Variants in SLC16A2 observed in about 807,000 individuals in gnomAD.
The protein encoded by SLC16A2 is solute carrier family 16 member 2, also known as monocarboxylate transporter 8.
A neutral mutation model predicts 27.2 loss-of-function variants in SLC16A2; 3 were observed. The observed-to-expected ratio is 0.11, with a 90% CI of 0.05 to 0.28. The LOEUF (loss-of-function observed/expected upper bound fraction) is 0.28, where lower values mean the gene tolerates loss of function less well. Among genes scored for constraint, SLC16A2 ranks in the 10% least tolerant of loss-of-function variants. The pLI, the probability that SLC16A2 is intolerant of heterozygous loss-of-function variation, is 1.00. For missense variants in SLC16A2, 295 were observed against 458.5 expected, an observed-to-expected ratio of 0.64 and a Z score of 3.26; for synonymous variants, 202 against 187.8, an observed-to-expected ratio of 1.08 and a Z score of -0.62.
intron 1 of SLC16A2, among the ~76,000 whole-genome samples, chrX:74,469,399 C>T (rs1413942269): frequency 9.0e-6 from 1 of 111,545 alleles, no homozygotes; most frequent in African/African-American, 3.3e-5. Context: ...TAAGGAACTG[C>T]CAAAATGTTT....
chrX:74,504,078 A>G (rs1381324570), intron 1 of SLC16A2, among the ~76,000 whole-genome samples: 1 of 112,497 alleles, frequency 8.9e-6, no homozygotes, highest in Non-Finnish European at 1.9e-5. Flanking sequence ...GAAAAGAAAT[A>G]TGTGAGGAAG....
intron 1 of SLC16A2, among the ~76,000 whole-genome samples, chrX:74,518,606 A>AAAAAG (rs1257764933): frequency 1.8e-5 from 2 of 110,938 alleles, no homozygotes; most frequent in Non-Finnish European, 3.8e-5. Flanking sequence ...AAAAAAAAAG[A>AAAAAG]AAAAGAAAAG....
chrX:74,527,910 G>T (rs1602142994), intron 4 of SLC16A2, among the ~76,000 whole-genome samples: 1 of 111,937 alleles, frequency 8.9e-6, no homozygotes, highest in Non-Finnish European at 1.9e-5. Flanking sequence ...TAGAGGAGAA[G>T]CTCAGGTACC....
At chrX:74,482,952 G>A (rs913236662) in intron 1 of SLC16A2, among the ~76,000 whole-genome samples, 5 of 111,929 alleles carry the variant, frequency 4.5e-5, no homozygotes, top group Admixed American at 1.9e-4. Context: ...TGATCCTCTT[G>A]CTTTGGCCTC....
chrX:74,425,751 T>C, intron 1 of SLC16A2, among the ~76,000 whole-genome samples: 1 of 112,037 alleles, frequency 8.9e-6, no homozygotes, highest in East Asian at 2.8e-4. Context: ...TTGCTAACAT[T>C]GGCTCTATGC....
chrX:74,519,247 G>A (rs1265562570), intron 1 of SLC16A2, among the ~76,000 whole-genome samples: 1 of 106,942 alleles, frequency 9.4e-6, no homozygotes, highest in Non-Finnish European at 1.9e-5. Flanking sequence ...GTGAGATCTC[G>A]GCTCACTGCA....
At chrX:74,519,381 G>GT (rs1240738623) in intron 1 of SLC16A2, among the ~76,000 whole-genome samples, 1 of 105,331 alleles carries the variant, frequency 9.5e-6, no homozygotes, top group Non-Finnish European at 2.0e-5. Context: ...GTTTCACTGT[G>GT]TTAGCCAGGA....
intron 1 of SLC16A2, among the ~76,000 whole-genome samples, chrX:74,455,655 G>C (rs1053111073): frequency 1.1e-4 from 12 of 110,800 alleles, no homozygotes; most frequent in African/African-American, 3.6e-4. Flanking sequence ...CCGGTATAGA[G>C]GGCATGGTCA....
chrX:74,481,231 G>A (rs1272011111), intron 1 of SLC16A2, among the ~76,000 whole-genome samples: 5 of 112,225 alleles, frequency 4.5e-5, no homozygotes, highest in African/African-American at 3.2e-5. Flanking sequence ...TTCACAGAAT[G>A]AGTTGGGAAA....
chrX:74,519,729 AAC>A lies in SLC16A2; in HGVS notation c.431-1259_431-1258del, dbSNP rs1278579560. ...AGACTGTGTCTCAAAAAAAAAAAAA[AAC>A]AAAAAAAAAACGAAAGAAAGAAAAA... On this transcript the variant is annotated intron_variant, in intron 1 of 5. Transcript: ENST00000587091. 2.2e-4 allele frequency among the ~76,000 whole-genome samples: 15 copies of A among 69,482 alleles called. 2 individuals are homozygous for A. The highest frequency in any genetic ancestry group is 4.1e-4 in the Non-Finnish European group (11 of 27,111). The allele number at this position is 69,482 out of a possible 115,157, so 60.3% of individuals were successfully genotyped here.
chrX:74,422,337 CT>C, intron 1 of SLC16A2, among the ~76,000 whole-genome samples: 1 of 111,254 alleles, frequency 9.0e-6, no homozygotes, highest in African/African-American at 3.3e-5. Flanking sequence ...AAGCAATGGA[CT>C]TTTTTTTGCC....
chrX:74,481,494 C>G (rs1191961226), intron 1 of SLC16A2, among the ~76,000 whole-genome samples: 1 of 111,047 alleles, frequency 9.0e-6, no homozygotes, highest in Non-Finnish European at 1.9e-5. Flanking sequence ...TAATAGCATA[C>G]AACTGTTCAT....
intron 1 of SLC16A2, among the ~76,000 whole-genome samples, chrX:74,441,760 C>T (rs991475261): frequency 9.0e-6 from 1 of 111,349 alleles, no homozygotes; most frequent in African/African-American, 3.3e-5. Context: ...GAGGCCTTCA[C>T]AGGATGTAGG....
At chrX:74,431,497 G>A (rs992389858) in intron 1 of SLC16A2, among the ~76,000 whole-genome samples, 4 of 111,678 alleles carry the variant, frequency 3.6e-5, no homozygotes, top group African/African-American at 9.8e-5. Context: ...GGGGATGACA[G>A]TTTACAAACT....
At chrX:74,468,565 T>G (rs1393025976) in intron 1 of SLC16A2, among the ~76,000 whole-genome samples, 1 of 112,309 alleles carries the variant, frequency 8.9e-6, no homozygotes, top group Non-Finnish European at 1.9e-5. Context: ...TTATGAGTAA[T>G]GCTGCTATGA....
At chrX:74,493,471 C>G (rs763338149) in intron 1 of SLC16A2, among the ~76,000 whole-genome samples, 30 of 112,106 alleles carry the variant, frequency 2.7e-4, no homozygotes, top group Non-Finnish European at 4.9e-4. Context: ...AGTCAGCACC[C>G]ATGAGACTGC....
At chrX:74,426,283 C>T (rs1313096673) in intron 1 of SLC16A2, among the ~76,000 whole-genome samples, 1 of 112,327 alleles carries the variant, frequency 8.9e-6, no homozygotes, top group Admixed American at 9.4e-5. Flanking sequence ...CTTCAAGCCA[C>T]ACAGCCCTTG....
intron 2 of SLC16A2, among the ~76,000 whole-genome samples, chrX:74,523,285 T>A (rs1930437955): frequency 8.9e-6 from 1 of 112,517 alleles, no homozygotes; most frequent in African/African-American, 3.2e-5. Flanking sequence ...TGATGACAGC[T>A]ATCTTAGAAT....
At chrX:74,427,784 A>T (rs5937814) in intron 1 of SLC16A2, among the ~76,000 whole-genome samples, 4 of 106,746 alleles carry the variant, frequency 3.7e-5, no homozygotes, top group Admixed American at 9.9e-5. Flanking sequence ...CATGTGCGCA[A>T]GCGCATGCGC....
Sources: gnomAD v4.1 joint callset for allele counts (sites outside exome capture counted in the v4.1 genomes callset) on GRCh38, gnomAD v4.1.1 for gene constraint, MANE v1.5 for transcripts, NCBI Gene and HGNC (gene_info 2026-07-23, HGNC 2026-07-21) for gene names.